Variants in ZCCHC4 observed in about 807,000 individuals in gnomAD.
ZCCHC4 encodes zinc finger CCHC-type containing 4, also known as rRNA N(6)-adenosine-methyltransferase ZCCHC4.
ZCCHC4 carries 54 observed loss-of-function variants against 67.7 expected under a neutral mutation model. The observed-to-expected ratio is 0.80, with a 90% CI of 0.64 to 1.00. The LOEUF (loss-of-function observed/expected upper bound fraction) is 1.00. Among genes scored for constraint, ZCCHC4 ranks in the 50% least tolerant of loss-of-function variants. ZCCHC4 has a pLI of 0.00. For missense variants in ZCCHC4, 609 were observed against 617.0 expected, an observed-to-expected ratio of 0.99 and a Z score of 0.14; for synonymous variants, 198 against 213.5, an observed-to-expected ratio of 0.93 and a Z score of 0.63.
intron 5 of ZCCHC4, among the ~76,000 whole-genome samples, chr4:25,342,891 C>T (rs1367319294): frequency 6.6e-6 from 1 of 152,144 alleles, no homozygotes; most frequent in Non-Finnish European, 1.5e-5. Context: ...CACTGCTGCC[C>T]AGAATGTTTT....
rs547512145 is a variant in ZCCHC4 at position 25,366,592 on chromosome 4, AG to A, written c.1406+1428del. 3.8e-3 allele frequency among the ~76,000 whole-genome samples: 576 copies of A among 152,344 alleles called. 3 individuals are homozygous for A. The highest frequency in any genetic ancestry group is 0.013 in the African/African-American group (555 of 41,594). On this transcript the variant is annotated intron_variant, in intron 12 of 12. Transcript: ENST00000302874. ...TGGCCTCCCCAAGTGCTGGGATTAC[AG>A]GCGTGAGCCACCACGCCCAGCCTGA...
chr4:25,329,374 C>T (rs1430558339), intron 3 of ZCCHC4, among the ~76,000 whole-genome samples: 1 of 151,886 alleles, frequency 6.6e-6, no homozygotes, highest in East Asian at 1.9e-4. Context: ...ATTTAGGCCC[C>T]TCAGTTTTTC....
rs1721065772 is a variant in ZCCHC4 at position 25,369,473 on chromosome 4, T to A, written c.*309T>A. ...TTTTGAGATGGAGTCTTGCTCTGTC[T>A]CCCAGGCTAGAGTGCAATGGCACAA... On this transcript the variant is annotated 3_prime_UTR_variant, in exon 13 of 13. Transcript: ENST00000302874. 1 of 276,796 alleles carries A rather than the reference T, an allele frequency of 3.6e-6. No homozygotes were observed. The highest frequency in any genetic ancestry group is 5.8e-5 in the Admixed American group (1 of 17,304). The allele number at this position is 276,796 out of a possible 1,614,324, so 17.1% of individuals were successfully genotyped here.
Position 25,366,409 on chromosome 4 carries a change from G to A in ZCCHC4, c.1406+1243G>A, listed in dbSNP as rs1195102454. On this transcript the variant is annotated intron_variant, in intron 12 of 12. Transcript: ENST00000302874. ...CGGCTCACTGTAAGCTCCGCCTCCC[G>A]GGTTCATGCCATTCTCCTGCCTCAG... is the stretch of plus-strand genomic sequence containing the variant. 2.4e-5 allele frequency: 10 copies of A among 413,340 alleles called. No individual in the cohort carries two copies. In the South Asian group the frequency reaches 4.2e-4, roughly 17 times the overall value. The allele number at this position is 413,340 out of a possible 1,614,324, so 25.6% of individuals were successfully genotyped here. A position where few individuals can be genotyped will look rare whatever the true frequency, so the allele number is the denominator to read the frequency against.
chr4:25,329,588 G>A (rs984698428), intron 3 of ZCCHC4, among the ~76,000 whole-genome samples: 2 of 142,922 alleles, frequency 1.4e-5, no homozygotes, highest in South Asian at 4.4e-4. Flanking sequence ...AGGCTGGAGT[G>A]CAGTGGCGTG....
chr4:25,350,427 A>G (rs1293912688), intron 7 of ZCCHC4, among the ~76,000 whole-genome samples: 1 of 150,992 alleles, frequency 6.6e-6, no homozygotes, highest in Non-Finnish European at 1.5e-5. Flanking sequence ...TGCCCACCTA[A>G]TTTTTTTTCC....
chr4:25,313,701 C>T (rs1718082353), intron 1 of ZCCHC4, among the ~76,000 whole-genome samples: 1 of 151,908 alleles, frequency 6.6e-6, no homozygotes, highest in African/African-American at 2.4e-5. Flanking sequence ...AATGATGACA[C>T]TCCGTCTACA....
rs553102923 is a variant in ZCCHC4 at position 25,313,060 on chromosome 4, A to G, written c.127+124A>G. The G allele has an allele frequency of 2.9e-6, 4 of 1,358,020 alleles. No individual in the cohort carries two copies. In the South Asian group the frequency reaches 5.6e-5, roughly 19 times the overall value. The allele number at this position is 1,358,020 out of a possible 1,614,324, so 84.1% of individuals were successfully genotyped here. A position where few individuals can be genotyped will look rare whatever the true frequency, so the allele number is the denominator to read the frequency against. ...TCCCTCACCAGTGTGCTGCCTAGAA[A>G]ATACTCCTTCCTCGGAACGCGGTGT... On this transcript the variant is annotated intron_variant, in intron 1 of 12. Transcript: ENST00000302874.
chr4:25,353,319 C>G (rs1022236074), intron 8 of ZCCHC4, among the ~76,000 whole-genome samples: 1 of 152,116 alleles, frequency 6.6e-6, no homozygotes, highest in Non-Finnish European at 1.5e-5. Context: ...GTAGCATTAA[C>G]AGGTTTTGTT....
At chr4:25,334,633 G>A (rs950716809) in intron 5 of ZCCHC4, among the ~76,000 whole-genome samples, 5 of 152,108 alleles carry the variant, frequency 3.3e-5, no homozygotes, top group African/African-American at 9.7e-5. Context: ...AACATGGATG[G>A]TAAATACATT....
At chr4:25,317,687 A>G (rs1328831066) in intron 3 of ZCCHC4, among the ~76,000 whole-genome samples, 1 of 134,342 alleles carries the variant, frequency 7.4e-6, no homozygotes, top group Non-Finnish European at 1.6e-5. Context: ...CCCAGGTGAC[A>G]GAGTGAGACG....
chr4:25,359,858 C>T lies in ZCCHC4; in HGVS notation c.1012-2001C>T, dbSNP rs114779682. 3.2e-4 allele frequency among the ~76,000 whole-genome samples: 49 copies of T among 152,324 alleles called. No homozygotes were observed. Among genetic ancestry groups the T allele is most frequent in the African/African-American group, 7.2e-4 (30 of 41,574 alleles). ...TTTTCTGTTTGATGAGGGAACTGGC[C>T]GAGGTTTCCCTCCCGAGGAGGCCAC... On this transcript the variant is annotated intron_variant, in intron 8 of 12. Coordinates refer to ENST00000302874, the MANE Select transcript of ZCCHC4 (RefSeq NM_024936.3). This position sits in a 1 kb window ranked among gnomAD's most constrained non-coding sequence, Gnocchi z 4.9.
At chr4:25,322,600 C>T (rs191929619) in intron 3 of ZCCHC4, among the ~76,000 whole-genome samples, 1 of 152,222 alleles carries the variant, frequency 6.6e-6, no homozygotes, top group Non-Finnish European at 1.5e-5. Context: ...TCACCATAAC[C>T]TTTGCCTCCC....
intron 11 of ZCCHC4, 87 bp downstream of exon 11, chr4:25,364,592 A>C: frequency 8.3e-7 from 1 of 1,198,158 alleles, no homozygotes; most frequent in Non-Finnish European, 1.2e-6. Context: ...TGGATTTATA[A>C]ACGAAAAAAT....
rs80271742 is a variant in ZCCHC4, at chr4:25,354,788, A to G, written c.1011+3099A>G. On this transcript the variant is annotated intron_variant, in intron 8 of 12. Coordinates refer to ENST00000302874, the MANE Select transcript of ZCCHC4 (RefSeq NM_024936.3). ...GCTGAGATTACAGGTGTGAGCCACCATGCCTGGCCTAACTTCATTTTGTGG... is the reference window on the plus strand; with the variant it reads ...GCTGAGATTACAGGTGTGAGCCACCGTGCCTGGCCTAACTTCATTTTGTGG... 0.014 allele frequency among the ~76,000 whole-genome samples: 2,144 copies of G among 151,740 alleles called. 93 individuals are homozygous for G. In the East Asian group the frequency reaches 0.15, roughly 11 times the overall value.
intron 9 of ZCCHC4, 30 bp from the exon 10 acceptor site, chr4:25,362,196 T>G: frequency 6.3e-7 from 1 of 1,575,024 alleles, no homozygotes; most frequent in Non-Finnish European, 8.7e-7. Context: ...AATAAATGTA[T>G]GCAGCTGATT....
Position 25,356,820 on chromosome 4 carries a change from T to C in ZCCHC4, c.1012-5039T>C, listed in dbSNP as rs185886608. ...AATGATTTTAAAAGAAAATGACTTATGGTACTATTTTCAGGTGATTTTGTA... is the reference window on the plus strand; with the variant it reads ...AATGATTTTAAAAGAAAATGACTTACGGTACTATTTTCAGGTGATTTTGTA... On this transcript the variant is annotated intron_variant, in intron 8 of 12. Transcript: ENST00000302874. 2.3e-4 allele frequency among the ~76,000 whole-genome samples: 35 copies of C among 152,304 alleles called. No individual in the cohort carries two copies. The East Asian group carries it at 3.1e-3, about 13-fold the overall frequency.
chr4:25,324,014 G>GGTTTTTTTTT lies in ZCCHC4; in HGVS notation c.329+8614_329+8615insGTTTTTTTTT, dbSNP rs777768505. 7.3e-5 allele frequency among the ~76,000 whole-genome samples: 6 copies of GGTTTTTTTTT among 82,430 alleles called. 1 individual carries two copies. The East Asian group carries it at 1.4e-3, about 20-fold the overall frequency. The allele number at this position is 82,430 out of a possible 152,430, so 54.1% of individuals were successfully genotyped here. On this transcript the variant is annotated intron_variant, in intron 3 of 12. Coordinates refer to ENST00000302874, the MANE Select transcript of ZCCHC4 (RefSeq NM_024936.3). ...TCGTACAGTATGTACTGTTTTTTGT[G>GGTTTTTTTTT]TTTTTTTTTTTTTTTTGAGACAGAG... is the stretch of plus-strand genomic sequence containing the variant.
intron 8 of ZCCHC4, among the ~76,000 whole-genome samples, chr4:25,352,943 C>T (rs949531970): frequency 6.6e-6 from 1 of 152,168 alleles, no homozygotes; most frequent in Non-Finnish European, 1.5e-5. Context: ...TGTGATTCCA[C>T]CCAAACAGCA....
Sources: gnomAD v4.1 joint callset for allele counts (sites outside exome capture counted in the v4.1 genomes callset) on GRCh38, gnomAD v4.1.1 for gene constraint, Gnocchi (gnomAD v3.1) non-coding constraint, MANE v1.5 for transcripts, NCBI Gene and HGNC (gene_info 2026-07-23, HGNC 2026-07-21) for gene names.